SULT1C2: variants seen among roughly 807,000 people sequenced by gnomAD.
The protein encoded by SULT1C2 is sulfotransferase family 1C member 2.
In SULT1C2, 27 loss-of-function variants were observed where a neutral mutation model predicts 36.0. That is an observed-to-expected ratio of 0.75 (90% CI 0.55 to 1.03). The LOEUF is 1.03. Ranked by LOEUF, SULT1C2 falls within the 50% of genes least tolerant of loss-of-function variation. The pLI, the probability that SULT1C2 is intolerant of heterozygous loss-of-function variation, is 0.00. For synonymous variants in SULT1C2, 121 were observed against 116.0 expected (o/e 1.04, Z -0.27); for missense variants, 395 against 359.2 (o/e 1.10, Z -0.80).
chr2:108,307,245 C>G (rs377431238), intron 7 of SULT1C2, among the ~76,000 whole-genome samples: 6 of 152,184 alleles, frequency 3.9e-5, no homozygotes, highest in African/African-American at 1.4e-4. Context: ...CTTCTTCAGG[C>G]TCATACATAA....
Position 108,308,766 on chromosome 2 carries a change from C to G in SULT1C2, c.*302C>G, listed in dbSNP as rs764518582. 3 of 268,326 alleles carry G rather than the reference C, an allele frequency of 1.1e-5. No individual in the cohort carries two copies. The highest frequency in any genetic ancestry group is 2.1e-5 in the Non-Finnish European group (3 of 142,762). The allele number at this position is 268,326 out of a possible 1,614,324, so 16.6% of individuals were successfully genotyped here. On this transcript the variant is annotated 3_prime_UTR_variant, in exon 8 of 8. Transcript: ENST00000251481. ...ATCCCCATTATTCTGGAAAGTGCAT[C>G]CTAGTCTCCCAGTCTATAACATCAT...
At position 108,304,249 on chromosome 2, in the gene SULT1C2, T is replaced by C. The variant is rs149609932; in HGVS notation, c.376-325T>C. On this transcript the variant is annotated intron_variant, in intron 4 of 7. Transcript: ENST00000251481. ...AGGGGTCATCAGTTTACGTTGATAC[T>C]GTGGAAGTCTCCTATTCAAGTGGCA... is the stretch of plus-strand genomic sequence containing the variant. 634 of 195,848 alleles carry C rather than the reference T, an allele frequency of 3.2e-3. 4 individuals are homozygous for C. Among genetic ancestry groups the C allele is most frequent in the African/African-American group, 0.014 (603 of 43,198 alleles). The allele number at this position is 195,848 out of a possible 1,614,324, so 12.1% of individuals were successfully genotyped here.
chr2:108,301,220 G>A, intron 4 of SULT1C2: 1 of 355,520 alleles, frequency 2.8e-6, no homozygotes, highest in South Asian at 6.4e-5. Context: ...GGAGAAGATG[G>A]TGGTCCCAGG....
At chr2:108,305,695 T>C (rs768791276) in intron 7 of SULT1C2, 100 bp downstream of exon 7, 2 of 1,398,142 alleles carry the variant, frequency 1.4e-6, no homozygotes, top group Non-Finnish European at 2.0e-6. Context: ...AGCCAATGCA[T>C]TTCAACTATT....
chr2:108,306,708 C>T (rs1240803427), intron 7 of SULT1C2, among the ~76,000 whole-genome samples: 1 of 152,092 alleles, frequency 6.6e-6, no homozygotes, highest in Non-Finnish European at 1.5e-5. Flanking sequence ...GAGATCAAGA[C>T]CAACCTGGCC....
At chr2:108,297,829 T>C (rs184612104) in intron 3 of SULT1C2, among the ~76,000 whole-genome samples, 2 of 134,858 alleles carry the variant, frequency 1.5e-5, no homozygotes, top group Non-Finnish European at 3.5e-5. Flanking sequence ...GCAGAAAAAT[T>C]TGGAGTTAGA....
chr2:108,289,071 G>T lies in SULT1C2; in HGVS notation c.-22+1G>T, dbSNP rs1676529422. ...GCTGACTTTCAGCTGGAACTTGAAG[G>T]TAAGAATATGGCTTAAAAGAAATTC... On this transcript the variant is annotated splice_donor_variant, in intron 1 of 7. Coordinates refer to ENST00000251481, the MANE Select transcript of SULT1C2 (RefSeq NM_001056.4). LOFTEE classifies it low-confidence loss of function (5UTR_SPLICE). 6.6e-6 allele frequency: 1 copy of T among 152,628 alleles called. No individual in the cohort carries two copies. Among genetic ancestry groups the T allele is most frequent in the African/African-American group, 2.4e-5 (1 of 41,442 alleles). 9.5% of individuals were successfully genotyped at this position (152,628 alleles called of 1,614,324 possible).
At chr2:108,305,392 G>C in intron 6 of SULT1C2, 23 bp from the exon 7 acceptor site, 1 of 1,612,566 alleles carries the variant, frequency 6.2e-7, no homozygotes, top group Non-Finnish European at 8.5e-7. Context: ...ATTCATTCCA[G>C]TCCAATGTTA....
chr2:108,293,854 T>C (rs573799338), intron 2 of SULT1C2, 36 bp downstream of exon 2: 6 of 1,606,144 alleles, frequency 3.7e-6, no homozygotes, highest in Admixed American at 1.7e-5. Flanking sequence ...AAAGACCTGC[T>C]GAGCCAGCAC....
chr2:108,305,702 T>G lies in SULT1C2; in HGVS notation c.778+107T>G, dbSNP rs774349622. On this transcript the variant is annotated intron_variant, in intron 7 of 7. Transcript: ENST00000251481. Reference sequence around the variant, plus strand: ...TAATTCCAAGCCAATGCATTTCAACTATTCCTAATATGTGTTTCTAATAAA... The same window carrying G: ...TAATTCCAAGCCAATGCATTTCAACGATTCCTAATATGTGTTTCTAATAAA... 3.8e-6 allele frequency: 5 copies of G among 1,326,718 alleles called. No individual in the cohort carries two copies. In the Admixed American group the frequency reaches 5.4e-5, roughly 14 times the overall value. The allele number at this position is 1,326,718 out of a possible 1,614,324, so 82.2% of individuals were successfully genotyped here.
chr2:108,293,853 C>T (rs1405211617), intron 2 of SULT1C2, 35 bp downstream of exon 2: 4 of 1,605,216 alleles, frequency 2.5e-6, no homozygotes, highest in East Asian at 2.2e-5. Context: ...CAAAGACCTG[C>T]TGAGCCAGCA....
chr2:108,295,382 G>A (rs1431301872), intron 3 of SULT1C2, among the ~76,000 whole-genome samples: 3 of 152,240 alleles, frequency 2.0e-5, no homozygotes, highest in Non-Finnish European at 4.4e-5. Context: ...CCCATAGACA[G>A]GCCAGCCTCT....
rs1677094823 is a variant in SULT1C2 at position 108,309,105 on chromosome 2, AC to A, written c.*644del. ...AAAGCATGACAGTGGCCTTTTGGGAACCCAAGTTACGTCCTGGTGAAAGCAG... is the reference window on the plus strand; with the variant it reads ...AAAGCATGACAGTGGCCTTTTGGGAACCAAGTTACGTCCTGGTGAAAGCAG... On this transcript the variant is annotated 3_prime_UTR_variant, in exon 8 of 8. Coordinates refer to ENST00000251481, the MANE Select transcript of SULT1C2 (RefSeq NM_001056.4). 1 of 152,258 alleles carries A rather than the reference AC, an allele frequency of 6.6e-6. No individual in the cohort carries two copies. The highest frequency in any genetic ancestry group is 1.5e-5 in the Non-Finnish European group (1 of 68,058). The allele number at this position is 152,258 out of a possible 1,614,324, so 9.4% of individuals were successfully genotyped here.
chr2:108,307,640 C>T (rs1677058525), intron 7 of SULT1C2, among the ~76,000 whole-genome samples: 1 of 151,944 alleles, frequency 6.6e-6, no homozygotes, highest in African/African-American at 2.4e-5. Context: ...AGAGAATTTC[C>T]CCTGTTTAAA....
intron 3 of SULT1C2, 52 bp from the exon 4 acceptor site, chr2:108,300,785 TC>T (rs780565627): frequency 6.2e-7 from 1 of 1,609,290 alleles, no homozygotes; most frequent in South Asian, 1.1e-5. Flanking sequence ...GATCATGAGG[TC>T]CCCATGTAGT....
rs1026584565 is a variant in SULT1C2, at chr2:108,304,766, G to A, written c.502+66G>A. On this transcript the variant is annotated intron_variant, in intron 5 of 7. Transcript: ENST00000251481. ...CTAGGCTGGGTCTAGGGAACCACAG[G>A]CAGCATTTTATCCCCTAGAATGCCT... 1.9e-6 allele frequency: 3 copies of A among 1,550,752 alleles called. No individual in the cohort carries two copies. The African/African-American group carries it at 4.1e-5, about 21-fold the overall frequency.
intron 3 of SULT1C2, 124 bp downstream of exon 3, chr2:108,294,478 T>TCTCTCCCTCCCTCTCTCCTTCCTCTTCA: frequency 1.1e-6 from 1 of 901,438 alleles, no homozygotes; most frequent in Non-Finnish European, 1.6e-6. Context: ...CTTCCTCTTC[T>TCTCTCCCTCCCTCTCTCCTTCCTCTTCA]CTTTCTCTCT....
At chr2:108,293,905 C>T in intron 2 of SULT1C2, 87 bp downstream of exon 2, 5 of 1,523,926 alleles carry the variant, frequency 3.3e-6, no homozygotes. Context: ...CTTAGGAAAC[C>T]TGCTCCTTCT....
Position 108,305,279 on chromosome 2 carries a change from T to A in SULT1C2, c.597+13T>A, listed in dbSNP as rs762214183. 4.3e-6 allele frequency: 7 copies of A among 1,614,014 alleles called. No homozygotes were observed. In the South Asian group the frequency reaches 7.7e-5, roughly 18 times the overall value. ...GGACATAAAGAGGGTGAGTGAAGGC[T>A]CTGCAGAAGAACCATTTTAAAGTGG... On this transcript the variant is annotated intron_variant, in intron 6 of 7. Transcript: ENST00000251481.
Sources: gnomAD v4.1 joint callset for allele counts (sites outside exome capture counted in the v4.1 genomes callset) on GRCh38, gnomAD v4.1.1 for gene constraint, MANE v1.5 for transcripts, NCBI Gene and HGNC (gene_info 2026-07-23, HGNC 2026-07-21) for gene names.